Variants in KITLG observed in about 807,000 individuals in gnomAD.
The protein encoded by KITLG is c-Kit ligand.
Under a neutral mutation model 34.1 loss-of-function variants are expected in KITLG, and 13 were observed. The observed-to-expected ratio is 0.38, with a 90% CI of 0.25 to 0.61. The LOEUF is 0.61. Among genes scored for constraint, KITLG ranks in the 20% least tolerant of loss-of-function variants. KITLG has a pLI of 0.60. For missense variants in KITLG, 292 were observed against 318.9 expected (o/e 0.92, Z 0.64); for synonymous variants, 110 against 104.0 (o/e 1.06, Z -0.35).
intron 3 of KITLG, among the ~76,000 whole-genome samples, chr12:88,528,303 G>A (rs1298120791): frequency 6.6e-6 from 1 of 152,012 alleles, no homozygotes; most frequent in African/African-American, 2.4e-5. Flanking sequence ...ATCAGAGTGG[G>A]ACCACCTGGA....
At position 88,508,649 on chromosome 12, in the gene KITLG, G is replaced by T. The variant is rs567384646; in HGVS notation, c.605-1512C>A. ...GTGATCCCCACGTAGGGAGTTGTCA[G>T]AAATAGGGTCTTCCATTCACATAAC... On this transcript the variant is annotated intron_variant, in intron 6 of 9. Coordinates refer to ENST00000644744, the MANE Select transcript of KITLG (RefSeq NM_000899.5). Among the ~76,000 whole-genome samples, 108 of 152,018 alleles carry T rather than the reference G, an allele frequency of 7.1e-4. 1 individual carries two copies. The highest frequency in any genetic ancestry group is 2.4e-3 in the African/African-American group (101 of 41,456).
rs970292728 is a variant in KITLG, at chr12:88,543,720, A to T, written c.129+2032T>A. On this transcript the variant is annotated intron_variant, in intron 2 of 9. Coordinates refer to ENST00000644744, the MANE Select transcript of KITLG (RefSeq NM_000899.5). ...ATCACCATTAAAATTCCCAGATGAA[A>T]AATTTAGCCAACAACTGACTTAGAC... 1.6e-4 allele frequency among the ~76,000 whole-genome samples: 24 copies of T among 152,280 alleles called. 1 individual carries two copies. The highest frequency in any genetic ancestry group is 6.8e-3 in the Middle Eastern group (2 of 294).
intron 9 of KITLG, among the ~76,000 whole-genome samples, chr12:88,503,520 C>T (rs1308839301): frequency 6.6e-6 from 1 of 152,156 alleles, no homozygotes; most frequent in Non-Finnish European, 1.5e-5. Context: ...GGTAAATGCT[C>T]TCAGGATTCC....
intron 2 of KITLG, among the ~76,000 whole-genome samples, chr12:88,540,130 A>T (rs1309151566): frequency 6.6e-6 from 1 of 152,134 alleles, no homozygotes; most frequent in Non-Finnish European, 1.5e-5. Flanking sequence ...TAAGTAACTA[A>T]CTGAGCTTCT....
At chr12:88,569,105 T>G (rs952968325) in intron 1 of KITLG, among the ~76,000 whole-genome samples, 2 of 152,170 alleles carry the variant, frequency 1.3e-5, no homozygotes, top group African/African-American at 2.4e-5. Context: ...AATCACTCAC[T>G]GATTCAAAAT....
intron 3 of KITLG, among the ~76,000 whole-genome samples, chr12:88,522,827 C>T (rs1170225525): frequency 1.3e-5 from 2 of 152,116 alleles, no homozygotes; most frequent in Non-Finnish European, 2.9e-5. Flanking sequence ...AAGCACTTTA[C>T]ATTACTTTCA....
chr12:88,563,549 A>T (rs1316934728), intron 1 of KITLG, among the ~76,000 whole-genome samples: 1 of 152,222 alleles, frequency 6.6e-6, no homozygotes, highest in African/African-American at 2.4e-5. Flanking sequence ...CATGCTAATA[A>T]TCATGACTAA....
chr12:88,572,490 G>T (rs1871683927), intron 1 of KITLG, among the ~76,000 whole-genome samples: 1 of 149,730 alleles, frequency 6.7e-6, no homozygotes, highest in Non-Finnish European at 1.5e-5. Context: ...GAGTACTGTG[G>T]CTTCAGTACA....
At chr12:88,565,929 TCAA>T (rs940523267) in intron 1 of KITLG, among the ~76,000 whole-genome samples, 45 of 152,336 alleles carry the variant, frequency 3.0e-4, no homozygotes, top group African/African-American at 1.0e-3. Flanking sequence ...TTCATCATCA[TCAA>T]CAATATTCTG....
chr12:88,557,731 G>A lies in KITLG; in HGVS notation c.16-11866C>T, dbSNP rs149203565. 2.3e-3 allele frequency among the ~76,000 whole-genome samples: 347 copies of A among 152,172 alleles called. 2 individuals are homozygous for A. The highest frequency in any genetic ancestry group is 0.014 in the Middle Eastern group (4 of 294). ...GACGAGCAGACCTCCCCCAACACCG[G>A]CCAAAGTATGGAAACATAATTTTAA... On this transcript the variant is annotated intron_variant, in intron 1 of 9. Coordinates refer to ENST00000644744, the MANE Select transcript of KITLG (RefSeq NM_000899.5).
chr12:88,574,198 T>C (rs1871749735), intron 1 of KITLG, among the ~76,000 whole-genome samples: 1 of 151,188 alleles, frequency 6.6e-6, no homozygotes, highest in Non-Finnish European at 1.5e-5. Flanking sequence ...TTCTGAGAAA[T>C]GTGTGTTCTC....
chr12:88,537,497 G>A (rs1490302278), intron 2 of KITLG, among the ~76,000 whole-genome samples: 4 of 151,762 alleles, frequency 2.6e-5, no homozygotes, highest in Non-Finnish European at 4.4e-5. Context: ...GGAAGACAGG[G>A]TTAAAAAAAC....
chr12:88,515,467 C>G (rs1174901249), intron 6 of KITLG, 67 bp downstream of exon 6: 1 of 942,430 alleles, frequency 1.1e-6, no homozygotes, highest in African/African-American at 1.6e-5. Flanking sequence ...TCCTTGAAAG[C>G]CCATGCAATA....
At chr12:88,517,723 G>C (rs1191407725) in intron 4 of KITLG, among the ~76,000 whole-genome samples, 2 of 152,078 alleles carry the variant, frequency 1.3e-5, no homozygotes, top group Non-Finnish European at 2.9e-5. Flanking sequence ...TTGGAAATTA[G>C]AAAATAATAC....
intron 2 of KITLG, among the ~76,000 whole-genome samples, chr12:88,533,903 T>G (rs528685859): frequency 6.6e-5 from 10 of 152,266 alleles, no homozygotes; most frequent in African/African-American, 2.4e-4. Flanking sequence ...GATCTCATGG[T>G]GCTTACTACC....
At chr12:88,528,947 T>C (rs116339162) in intron 3 of KITLG, among the ~76,000 whole-genome samples, 139 of 152,210 alleles carry the variant, frequency 9.1e-4, no homozygotes, top group African/African-American at 3.3e-3. Flanking sequence ...AGTAGCAAAA[T>C]AGGTGGCACA....
At chr12:88,577,088 T>C (rs1429908218) in intron 1 of KITLG, among the ~76,000 whole-genome samples, 3 of 152,140 alleles carry the variant, frequency 2.0e-5, no homozygotes, top group Non-Finnish European at 4.4e-5. Context: ...GCTACATAAA[T>C]TGGAATTATT....
chr12:88,540,003 A>ACAAT (rs1179722520), intron 2 of KITLG, among the ~76,000 whole-genome samples: 1 of 152,166 alleles, frequency 6.6e-6, no homozygotes, highest in East Asian at 1.9e-4. Context: ...AAGATAGATA[A>ACAAT]CAATTTTTTC....
intron 4 of KITLG, 93 bp from the exon 5 acceptor site, chr12:88,516,583 A>G: frequency 1.2e-6 from 1 of 801,082 alleles, no homozygotes; most frequent in Non-Finnish European, 2.0e-6. Context: ...TCAAAGATTC[A>G]AGTATTTAGA....
Sources: allele counts gnomAD v4.1 joint callset (sites outside exome capture counted in the v4.1 genomes callset), GRCh38; gene constraint gnomAD v4.1.1; transcripts MANE v1.5; gene names NCBI Gene and HGNC (gene_info 2026-07-23, HGNC 2026-07-21).